CADM3: variants seen among roughly 807,000 people sequenced by gnomAD.
CADM3 encodes the protein cell adhesion molecule 3, also known as TSLC1-like 1.
In CADM3, 11 loss-of-function variants were observed where a neutral mutation model predicts 44.9. The ratio of observed to expected loss-of-function variants is 0.25; its 90% CI spans 0.15 to 0.41. CADM3 has a LOEUF of 0.41. CADM3 is among the 10% of genes least tolerant of loss of function. The pLI is 1.00. For missense variants in CADM3, 426 were observed against 512.0 expected (o/e 0.83, Z 1.62); for synonymous variants, 207 against 205.2 (o/e 1.01, Z -0.08).
intron 1 of CADM3, among the ~76,000 whole-genome samples, chr1:159,172,849 G>A (rs1028487100): frequency 2.0e-5 from 3 of 152,102 alleles, no homozygotes; most frequent in Non-Finnish European, 4.4e-5. Context: ...TCAGCGCTGT[G>A]GGGGCACCTC....
intron 1 of CADM3, chr1:159,189,911 TC>T: frequency 7.1e-7 from 1 of 1,410,572 alleles, no homozygotes; most frequent in Non-Finnish European, 9.9e-7. Context: ...GTCCCTCAGT[TC>T]CCTCACTCAT....
chr1:159,172,539 A>G (rs1018621258), intron 1 of CADM3, among the ~76,000 whole-genome samples: 2 of 152,134 alleles, frequency 1.3e-5, no homozygotes, highest in Non-Finnish European at 2.9e-5. Flanking sequence ...AAGCTGGGAA[A>G]AGAAATCCGA....
chr1:159,171,807 G>T lies in CADM3; in HGVS notation c.42G>T (p.Leu14=). 8.0e-7 allele frequency: 1 copy of T among 1,247,704 alleles called. No individual in the cohort carries two copies. The highest frequency in any genetic ancestry group is 3.1e-5 in the East Asian group (1 of 32,424). The allele number at this position is 1,247,704 out of a possible 1,614,324, so 77.3% of individuals were successfully genotyped here. A position where few individuals can be genotyped will look rare whatever the true frequency, so the allele number is the denominator to read the frequency against. Residue 14 remains leucine, a synonymous_variant, in exon 1 of 9, where the codon CTG becomes CTT. Coordinates refer to ENST00000368125, the MANE Select transcript of CADM3 (RefSeq NM_001127173.3). ...PAASLLLLLL[L]FACCWAPGGA... Reference sequence around the variant, plus strand: ...CCTCGCTCCTGCTCCTGCTCCTGCTGTTCGCCTGCTGCTGGGCGCCCGGCG... The same window carrying T: ...CCTCGCTCCTGCTCCTGCTCCTGCTTTTCGCCTGCTGCTGGGCGCCCGGCG...
intron 1 of CADM3, among the ~76,000 whole-genome samples, chr1:159,172,288 GTGTA>G (rs1451938381): frequency 6.6e-6 from 1 of 152,098 alleles, no homozygotes; most frequent in Non-Finnish European, 1.5e-5. Flanking sequence ...TCGGGTGTTT[GTGTA>G]TGTATGTCTG....
chr1:159,191,477 T>C (rs1439620579), intron 1 of CADM3, among the ~76,000 whole-genome samples: 1 of 152,230 alleles, frequency 6.6e-6, no homozygotes, highest in Non-Finnish European at 1.5e-5. Flanking sequence ...TTTTCCCCAT[T>C]TTAGTTTTAG....
Position 159,171,798 on chromosome 1 carries a change from G to T in CADM3, c.33G>T (p.Leu11=), listed in dbSNP as rs113542183. The change falls in exon 1 of 9, where the codon CTG becomes CTT. Residue 11 remains leucine, a synonymous_variant. Coordinates refer to ENST00000368125, the MANE Select transcript of CADM3 (RefSeq NM_001127173.3). The part of the protein sequence containing the change: MGAPAASLLL[L]LLLFACCWAP... ...CCCCAGCCGCCTCGCTCCTGCTCCTGCTCCTGCTGTTCGCCTGCTGCTGGG... is the reference window on the plus strand; with the variant it reads ...CCCCAGCCGCCTCGCTCCTGCTCCTTCTCCTGCTGTTCGCCTGCTGCTGGG... The T allele has an allele frequency of 4.8e-6, 6 of 1,246,686 alleles. No individual in the cohort carries two copies. In the African/African-American group the frequency reaches 6.2e-5, roughly 13 times the overall value. The allele number at this position is 1,246,686 out of a possible 1,614,324, so 77.2% of individuals were successfully genotyped here. A position where few individuals can be genotyped will look rare whatever the true frequency, so the allele number is the denominator to read the frequency against.
At chr1:159,172,139 G>T (rs1306790719) in intron 1 of CADM3, among the ~76,000 whole-genome samples, 3 of 152,042 alleles carry the variant, frequency 2.0e-5, no homozygotes, top group African/African-American at 7.3e-5. Flanking sequence ...CCGGGGTCTG[G>T]ATGTGTTGCT....
rs777176359 is a variant in CADM3 at position 159,192,629 on chromosome 1, G to A, written c.281G>A (p.Ser94Asn). The change falls in exon 3 of 9, where the codon AGC (serine) becomes AAC (asparagine). Residue 94 changes from serine (S) to asparagine (N), a missense_variant. Transcript: ENST00000368125. ...GTTACCTCTACGCCCCACGAGCTCA[G>A]CATCAGCATCAGCAATGTGGCCCTG... is the stretch of plus-strand genomic sequence containing the variant. ...QLVTSTPHEL[S>N]ISISNVALAD... 6.2e-7 allele frequency: 1 copy of A among 1,614,140 alleles called. No homozygotes were observed. The highest frequency in any genetic ancestry group is 2.2e-5 in the East Asian group (1 of 44,878).
chr1:159,178,590 T>C (rs1649114827), intron 1 of CADM3: 1 of 152,216 alleles, frequency 6.6e-6, no homozygotes, highest in African/African-American at 2.4e-5. Flanking sequence ...TTGACTTAAC[T>C]TCCCCACCTT....
chr1:159,200,551 C>T (rs1020507939), intron 8 of CADM3, among the ~76,000 whole-genome samples: 3 of 110,864 alleles, frequency 2.7e-5, no homozygotes, highest in African/African-American at 9.4e-5. Context: ...CACACACACA[C>T]ACACTTCTCT....
intron 4 of CADM3, 139 bp from the exon 5 acceptor site, chr1:159,193,731 C>T (rs1176086884): frequency 7.0e-7 from 1 of 1,425,840 alleles, no homozygotes; most frequent in Non-Finnish European, 9.7e-7. Flanking sequence ...ATTCTCCCTG[C>T]CACAACTTTC....
Position 159,190,964 on chromosome 1 carries a change from G to C in CADM3, c.89-972G>C, listed in dbSNP as rs184733913. On this transcript the variant is annotated intron_variant, in intron 1 of 8. Transcript: ENST00000368125. ...TTGTTCGGTGGGGATCAGTGCTACT[G>C]AGTCACAGAGAGTCAGTTCTGAAGA... 2.4e-3 allele frequency among the ~76,000 whole-genome samples: 362 copies of C among 152,298 alleles called. 4 individuals carry two copies. The highest frequency in any genetic ancestry group is 3.6e-3 in the Non-Finnish European group (245 of 68,020).
At chr1:159,191,845 A>G (rs558350447) in intron 1 of CADM3, 91 bp from the exon 2 acceptor site, 5 of 1,490,942 alleles carry the variant, frequency 3.4e-6, no homozygotes, top group African/African-American at 2.8e-5. Context: ...AGGGCCTTGG[A>G]TGGTCTGAAC....
At chr1:159,173,847 ATAGAC>A (rs1014409647) in intron 1 of CADM3, among the ~76,000 whole-genome samples, 10 of 152,226 alleles carry the variant, frequency 6.6e-5, no homozygotes, top group Non-Finnish European at 1.2e-4. Context: ...AAAAAAAACT[ATAGAC>A]TAGAGTAAAT....
intron 1 of CADM3, chr1:159,189,917 A>G (rs1649581948): frequency 7.6e-7 from 1 of 1,311,470 alleles, no homozygotes; most frequent in Non-Finnish European, 1.1e-6. Flanking sequence ...CAGTTCCCTC[A>G]CTCATCCTCA....
rs12076801 is a variant in CADM3, at chr1:159,194,053, C to G, written c.691+13C>G. The G allele has an allele frequency of 0.013, 21,544 of 1,607,662 alleles. 2,362 individuals carry two copies. In the African/African-American group the frequency reaches 0.24, roughly 18 times the overall value. ...ATTGAAGTTTTATGTATGTCATGGG[C>G]TTGGGGATGAAGAAGGATGAGGTAT... On this transcript the variant is annotated intron_variant, in intron 5 of 8. Transcript: ENST00000368125.
At chr1:159,196,586 T>TG in intron 6 of CADM3, 132 bp downstream of exon 6, 1 of 744,532 alleles carries the variant, frequency 1.3e-6, no homozygotes, top group Non-Finnish European at 2.3e-6. Context: ...TGTCCAATAA[T>TG]GTCCGCCTGC....
chr1:159,192,443 T>G (rs141333594), intron 2 of CADM3, 135 bp from the exon 3 acceptor site: 201 of 965,828 alleles, frequency 2.1e-4, no homozygotes, highest in East Asian at 1.3e-3. Context: ...AAAGACTGCT[T>G]AAACTCAGGA....
intron 7 of CADM3, among the ~76,000 whole-genome samples, chr1:159,199,418 AAGG>A (rs1404821635): frequency 7.3e-5 from 11 of 150,522 alleles, no homozygotes; most frequent in Non-Finnish European, 1.2e-4. Context: ...GGAAGGAAGG[AAGG>A]AAGGAAGAAA....
Sources: gnomAD v4.1 joint callset for allele counts (sites outside exome capture counted in the v4.1 genomes callset) on GRCh38, gnomAD v4.1.1 for gene constraint, MANE v1.5 for transcripts, NCBI Gene and HGNC (gene_info 2026-07-23, HGNC 2026-07-21) for gene names.